The following ATP10A variants were observed in gnomAD, a reference collection of about 807,000 sequenced individuals.
ATP10A encodes the protein ATPase phospholipid transporting 10A (putative), also known as phospholipid-transporting ATPase VA.
In ATP10A, 111 loss-of-function variants were observed where a neutral mutation model predicts 147.8. The ratio of observed to expected loss-of-function variants is 0.75; its 90% confidence interval spans 0.64 to 0.88. The LOEUF (loss-of-function observed/expected upper bound fraction) is 0.88. Ranked by LOEUF, ATP10A falls within the 40% of genes least tolerant of loss-of-function variation. ATP10A has a pLI of 0.00. For missense variants in ATP10A, 1,927 were observed against 1,959.0 expected, an observed-to-expected ratio of 0.98 and a Z score of 0.31; for synonymous variants, 875 against 841.6, an observed-to-expected ratio of 1.04 and a Z score of -0.69.
chr15:25,683,436 T>G lies in ATP10A; in HGVS notation c.3342A>C (p.Ala1114=), dbSNP rs761819497. 2 of 1,614,022 alleles carry G rather than the reference T, an allele frequency of 1.2e-6. No individual in the cohort carries two copies. The highest frequency in any genetic ancestry group is 1.1e-5 in the South Asian group (1 of 91,070). The change falls in exon 17 of 21, where the codon GCA becomes GCC. Residue 1114 remains alanine (A), a synonymous_variant. Transcript: ENST00000555815. ...GATACCACTGGTCAATCATGGTAGA[T>G]GCAGAGAAGCCACAGAAAAACTGGA... ...FWFQFFCGFS[A]STMIDQWYLI... is the part of the protein sequence containing the mutation.
intron 7 of ATP10A, 62 bp downstream of exon 7, chr15:25,721,595 A>G (rs1902232521): frequency 6.5e-7 from 1 of 1,535,622 alleles, no homozygotes; most frequent in Non-Finnish European, 8.8e-7. Flanking sequence ...TCTCCAAACA[A>G]TTCTGGATAG....
At chr15:25,775,326 T>C (rs1889548524) in intron 2 of ATP10A, among the ~76,000 whole-genome samples, 1 of 152,252 alleles carries the variant, frequency 6.6e-6, no homozygotes, top group East Asian at 1.9e-4. Flanking sequence ...TCTAAGCTTC[T>C]GAATTCTGTC....
intron 2 of ATP10A, among the ~76,000 whole-genome samples, chr15:25,771,158 G>A (rs1233189862): frequency 6.6e-6 from 1 of 151,986 alleles, no homozygotes; most frequent in African/African-American, 2.4e-5. Flanking sequence ...TCTCTTCTTC[G>A]GCCTCTTGGA....
chr15:25,805,844 A>C (rs975244690), intron 1 of ATP10A, among the ~76,000 whole-genome samples: 1 of 152,236 alleles, frequency 6.6e-6, no homozygotes, highest in African/African-American at 2.4e-5. Flanking sequence ...ACAGAGACTA[A>C]AGGAAAATGT....
chr15:25,811,148 G>A (rs536172020), intron 1 of ATP10A, among the ~76,000 whole-genome samples: 50 of 152,302 alleles, frequency 3.3e-4, no homozygotes, highest in African/African-American at 1.2e-3. Context: ...GATTCAGCGC[G>A]AGGTGGGACA....
Position 25,862,769 on chromosome 15 carries a change from G to T in ATP10A, c.328C>A (p.Leu110Met). The T allele has an allele frequency of 6.2e-7, 1 of 1,611,402 alleles. No individual in the cohort carries two copies. Among genetic ancestry groups the T allele is most frequent in the Non-Finnish European group, 8.5e-7 (1 of 1,178,832 alleles). ...ATGAAGAGCACCGGCGCCAGTGCCA[G>T]GCCGGGCTGGAAGGCGTTCACCGCC... The part of the protein sequence containing the change: ...VPAVNAFQPG[L>M]ALAPVLFILA... Residue 110 changes from leucine to methionine, a missense_variant, in exon 1 of 21, where the codon CTG becomes ATG. Physicochemically the swap from Leu to Met is conservative, Grantham distance 15. Coordinates refer to ENST00000555815, the MANE Select transcript of ATP10A (RefSeq NM_024490.4).
At chr15:25,692,543 G>C (rs1485035128) in intron 14 of ATP10A, among the ~76,000 whole-genome samples, 1 of 152,202 alleles carries the variant, frequency 6.6e-6, no homozygotes, top group African/African-American at 2.4e-5. Context: ...ATGACTTGTA[G>C]TGTGACTACA....
intron 1 of ATP10A, among the ~76,000 whole-genome samples, chr15:25,853,121 A>G (rs1893364539): frequency 6.6e-6 from 1 of 152,362 alleles, no homozygotes; most frequent in African/African-American, 2.4e-5. Context: ...TGGAAAAATA[A>G]CCACAAGGTA....
intron 1 of ATP10A, among the ~76,000 whole-genome samples, chr15:25,784,244 C>T (rs755260604): frequency 1.3e-5 from 2 of 152,204 alleles, no homozygotes; most frequent in African/African-American, 2.4e-5. Context: ...TATGCCCAAG[C>T]ATCGGCGGGG....
At chr15:25,744,871 G>T (rs1887759924) in intron 2 of ATP10A, among the ~76,000 whole-genome samples, 1 of 151,768 alleles carries the variant, frequency 6.6e-6, no homozygotes, top group South Asian at 2.1e-4. Flanking sequence ...AGAGAATGAT[G>T]CAGGAGCAAT....
intron 1 of ATP10A, among the ~76,000 whole-genome samples, chr15:25,856,619 C>A (rs892914729): frequency 6.6e-6 from 1 of 152,138 alleles, no homozygotes; most frequent in Non-Finnish European, 1.5e-5. Flanking sequence ...AATTAGGACA[C>A]CACCATTTGG....
At chr15:25,697,297 G>T (rs1010629665) in intron 13 of ATP10A, among the ~76,000 whole-genome samples, 1 of 151,924 alleles carries the variant, frequency 6.6e-6, no homozygotes, top group African/African-American at 2.4e-5. Context: ...AACCCCACAG[G>T]GTTGATCACC....
intron 1 of ATP10A, among the ~76,000 whole-genome samples, chr15:25,828,044 TA>T (rs1567413953): frequency 6.6e-6 from 1 of 151,890 alleles, no homozygotes; most frequent in African/African-American, 2.4e-5. Context: ...AAAAAAATGA[TA>T]GTACAAATCA....
intron 2 of ATP10A, among the ~76,000 whole-genome samples, chr15:25,769,103 G>A (rs1889193565): frequency 3.3e-5 from 5 of 152,092 alleles, no homozygotes; most frequent in Admixed American, 3.3e-4. Context: ...CTCCAATACT[G>A]AAACACACTC....
intron 1 of ATP10A, among the ~76,000 whole-genome samples, chr15:25,818,477 G>C (rs1891756311): frequency 6.6e-6 from 1 of 152,088 alleles, no homozygotes; most frequent in Non-Finnish European, 1.5e-5. Flanking sequence ...AACATTCCAT[G>C]TTCCATGTTC....
At chr15:25,813,842 GA>G (rs1328188322) in intron 1 of ATP10A, among the ~76,000 whole-genome samples, 3 of 131,130 alleles carry the variant, frequency 2.3e-5, no homozygotes, top group African/African-American at 5.0e-5. Context: ...TATCCAATAT[GA>G]AACAGACTTT....
chr15:25,854,740 A>G (rs1893434233), intron 1 of ATP10A, among the ~76,000 whole-genome samples: 1 of 152,188 alleles, frequency 6.6e-6, no homozygotes, highest in African/African-American at 2.4e-5. Flanking sequence ...AAGGATTAAT[A>G]CCAAATCTTC....
At chr15:25,700,172 C>A (rs141272754) in intron 13 of ATP10A, among the ~76,000 whole-genome samples, 1 of 152,018 alleles carries the variant, frequency 6.6e-6, no homozygotes, top group African/African-American at 2.4e-5. Flanking sequence ...CAAATTAAAA[C>A]CATAACAAGA....
At chr15:25,690,576 T>C (rs1032638598) in intron 15 of ATP10A, among the ~76,000 whole-genome samples, 2 of 152,228 alleles carry the variant, frequency 1.3e-5, no homozygotes, top group African/African-American at 2.4e-5. Flanking sequence ...GCTATGTGGT[T>C]CATCTGCAAG....
Sources: allele counts gnomAD v4.1 joint callset (sites outside exome capture counted in the v4.1 genomes callset), GRCh38; gene constraint gnomAD v4.1.1; transcripts MANE v1.5; gene names NCBI Gene and HGNC (gene_info 2026-07-23, HGNC 2026-07-21).